Variants in ADAM10 observed in about 807,000 individuals in gnomAD.
ADAM10 encodes ADAM metallopeptidase domain 10.
In ADAM10, 17 loss-of-function variants were observed where a neutral mutation model predicts 90.1. That is an observed-to-expected ratio of 0.19 (90% confidence interval 0.13 to 0.28). The LOEUF (loss-of-function observed/expected upper bound fraction) is 0.28, where lower values mean the gene tolerates loss of function less well. Among genes scored for constraint, ADAM10 ranks in the 10% least tolerant of loss-of-function variants. The pLI, the probability that ADAM10 is intolerant of heterozygous loss-of-function variation, is 1.00. For synonymous variants in ADAM10, 310 were observed against 298.6 expected (o/e 1.04, Z -0.40); for missense variants, 610 against 914.3 (o/e 0.67, Z 4.29).
chr15:58,681,395 A>C (rs1897436621), intron 3 of ADAM10, among the ~76,000 whole-genome samples: 1 of 152,274 alleles, frequency 6.6e-6, no homozygotes, highest in Non-Finnish European at 1.5e-5. Context: ...TTTATCTGGC[A>C]CAATCGAAAA....
At chr15:58,749,157 G>T in intron 1 of ADAM10, 1 of 399,656 alleles carries the variant, frequency 2.5e-6, no homozygotes, top group Non-Finnish European at 4.4e-6. Flanking sequence ...CACCAGCCTG[G>T]GTTCCACCGC....
chr15:58,662,708 G>A (rs1444350942), intron 5 of ADAM10, among the ~76,000 whole-genome samples: 1 of 152,080 alleles, frequency 6.6e-6, no homozygotes, highest in Non-Finnish European at 1.5e-5. Context: ...TTTGTCTCAT[G>A]GTTTTCTCAA....
In ADAM10 at chr15:58,621,596, A is replaced by G. The variant is rs1822621488; in HGVS notation, c.1386T>C (p.Asn462=). The change falls in exon 11 of 16, where the codon AAT becomes AAC. Residue 462 remains asparagine, a synonymous_variant. Coordinates refer to ENST00000260408, the MANE Select transcript of ADAM10 (RefSeq NM_001110.4). ...ATTCTTCACCTTGTTCTACCATTCC[A>G]TTTCCACAAATAGGTTGGCCAGATT... ...FVESGQPICG[N]GMVEQGEECD... 6.2e-7 allele frequency: 1 copy of G among 1,613,942 alleles called. No individual in the cohort carries two copies. The highest frequency in any genetic ancestry group is 1.7e-5 in the Admixed American group (1 of 60,004).
intron 1 of ADAM10, among the ~76,000 whole-genome samples, chr15:58,728,491 C>T (rs1237721708): frequency 1.3e-5 from 2 of 151,466 alleles, no homozygotes; most frequent in African/African-American, 4.9e-5. Context: ...CACCTATAAG[C>T]CCAGCATTTT....
Position 58,593,571 on chromosome 15 carries a change from G to C in ADAM10, c.*3976C>G, listed in dbSNP as rs1894876620. 6.6e-6 allele frequency: 1 copy of C among 152,156 alleles called. No individual in the cohort carries two copies. Among genetic ancestry groups the C allele is most frequent in the Admixed American group, 6.5e-5 (1 of 15,270 alleles). 9.4% of individuals were successfully genotyped at this position (152,156 alleles called of 1,614,324 possible). A position where few individuals can be genotyped will look rare whatever the true frequency, so the allele number is the denominator to read the frequency against. ...CTGTTGTGTTCCCACTGCTGGTTTA[G>C]GATTTGACTTCCCTGGGTCTGCCCA... On this transcript the variant is annotated 3_prime_UTR_variant, in exon 16 of 16. Transcript: ENST00000260408.
intron 1 of ADAM10, among the ~76,000 whole-genome samples, chr15:58,719,464 T>A (rs188437847): frequency 1.5e-3 from 227 of 149,266 alleles, no homozygotes; most frequent in Non-Finnish European, 1.9e-3. Flanking sequence ...CAAGTAAAAT[T>A]TTTAACTAAA....
At chr15:58,611,755 T>G in intron 12 of ADAM10, 53 bp downstream of exon 12, 1 of 1,558,936 alleles carries the variant, frequency 6.4e-7, no homozygotes, top group African/African-American at 1.4e-5. Context: ...ATAATTCTTC[T>G]GAAAAACAAG....
Position 58,595,463 on chromosome 15 carries a change from ATT to A in ADAM10, c.*2082_*2083del, listed in dbSNP as rs1348187186. On this transcript the variant is annotated 3_prime_UTR_variant, in exon 16 of 16. Coordinates refer to ENST00000260408, the MANE Select transcript of ADAM10 (RefSeq NM_001110.4). Reference sequence around the variant, plus strand: ...ACCTTACATCTTTGCACAATACTTTATTTTTTGCAATTTTTAGTAAAAATTTC... The same window carrying A: ...ACCTTACATCTTTGCACAATACTTTATTTTGCAATTTTTAGTAAAAATTTC... 1 of 152,146 alleles carries A rather than the reference ATT, an allele frequency of 6.6e-6. No individual in the cohort carries two copies. The highest frequency in any genetic ancestry group is 1.9e-4 in the East Asian group (1 of 5,206). 9.4% of individuals were successfully genotyped at this position (152,146 alleles called of 1,614,324 possible).
chr15:58,727,176 CTTTTTTT>C (rs779017607), intron 1 of ADAM10, among the ~76,000 whole-genome samples: 2 of 78,006 alleles, frequency 2.6e-5, no homozygotes, highest in Non-Finnish European at 4.8e-5. Flanking sequence ...CCTGACTAAT[CTTTTTTT>C]TTTTTTTTTT....
rs1416434422 is a variant in ADAM10 at position 58,591,385 on chromosome 15, C to G, written c.*6162G>C. 6.6e-6 allele frequency: 1 copy of G among 152,068 alleles called. No individual in the cohort carries two copies. The highest frequency in any genetic ancestry group is 1.5e-5 in the Non-Finnish European group (1 of 68,006). 9.4% of individuals were successfully genotyped at this position (152,068 alleles called of 1,614,324 possible). On this transcript the variant is annotated 3_prime_UTR_variant, in exon 16 of 16. Transcript: ENST00000260408. ...TCATGAATTACTGCTAAAATAAAAA[C>G]AGTAATGAATCAGCTTCTATAGGAA...
chr15:58,652,859 T>C (rs185915546), intron 5 of ADAM10, among the ~76,000 whole-genome samples: 394 of 152,348 alleles, frequency 2.6e-3, no homozygotes, highest in Non-Finnish European at 4.2e-3. Context: ...TATACGAACA[T>C]AGAATATCTT....
intron 8 of ADAM10, among the ~76,000 whole-genome samples, chr15:58,636,122 C>A (rs1183573213): frequency 6.6e-6 from 1 of 151,910 alleles, no homozygotes; most frequent in East Asian, 1.9e-4. Flanking sequence ...ACTAAAATTA[C>A]AAAAATTAGC....
intron 1 of ADAM10, among the ~76,000 whole-genome samples, chr15:58,737,759 A>G (rs1481462955): frequency 6.6e-6 from 1 of 152,202 alleles, no homozygotes; most frequent in Non-Finnish European, 1.5e-5. Context: ...TTCCTTCCCA[A>G]TCCTTGAACC....
intron 2 of ADAM10, among the ~76,000 whole-genome samples, chr15:58,696,452 T>C (rs1384291835): frequency 6.7e-6 from 1 of 150,226 alleles, no homozygotes; most frequent in Non-Finnish European, 1.5e-5. Flanking sequence ...ACTGATTTCT[T>C]TTTTTCTTTC....
chr15:58,628,974 T>A (rs1326211381), intron 9 of ADAM10, among the ~76,000 whole-genome samples: 1 of 152,248 alleles, frequency 6.6e-6, no homozygotes, highest in Non-Finnish European at 1.5e-5. Flanking sequence ...GATGCAGCAT[T>A]TAGCAACTCT....
chr15:58,622,804 G>C (rs976907875), intron 10 of ADAM10, among the ~76,000 whole-genome samples: 1 of 152,128 alleles, frequency 6.6e-6, no homozygotes, highest in Non-Finnish European at 1.5e-5. Context: ...CTCTTTGTAA[G>C]ATCATAAAAT....
At chr15:58,646,253 C>T (rs1226980493) in intron 5 of ADAM10, 49 bp from the exon 6 acceptor site, 1 of 1,536,390 alleles carries the variant, frequency 6.5e-7, no homozygotes, top group Non-Finnish European at 8.9e-7. Flanking sequence ...TCAATACTAT[C>T]ATTTTATCTA....
intron 4 of ADAM10, among the ~76,000 whole-genome samples, chr15:58,665,766 T>C (rs1215420813): frequency 6.6e-6 from 1 of 152,086 alleles, no homozygotes; most frequent in Non-Finnish European, 1.5e-5. Flanking sequence ...CCCCAACTTA[T>C]TACAGGCATT....
chr15:58,627,625 A>G (rs1895985526), intron 10 of ADAM10, 75 bp downstream of exon 10: 1 of 1,342,384 alleles, frequency 7.4e-7, no homozygotes, highest in Admixed American at 1.7e-5. Context: ...TATGTCAGTA[A>G]TCACTATAGA....
Sources: allele counts gnomAD v4.1 joint callset (sites outside exome capture counted in the v4.1 genomes callset), GRCh38; gene constraint gnomAD v4.1.1; transcripts MANE v1.5; gene names NCBI Gene and HGNC (gene_info 2026-07-23, HGNC 2026-07-21).